PARD3: variants seen among roughly 807,000 people sequenced by gnomAD.
PARD3 encodes par-3 family cell polarity regulator.
PARD3 carries 75 observed loss-of-function variants against 155.4 expected under a neutral mutation model. The observed-to-expected ratio is 0.48, with a 90% CI of 0.40 to 0.58. The LOEUF (loss-of-function observed/expected upper bound fraction) is 0.58, where lower values mean the gene tolerates loss of function less well. PARD3 is among the 20% of genes least tolerant of loss of function. The pLI, the probability that PARD3 is intolerant of heterozygous loss-of-function variation, is 0.00. For missense variants in PARD3, 1,642 were observed against 1,721.7 expected (o/e 0.95, Z 0.82); for synonymous variants, 576 against 610.5 (o/e 0.94, Z 0.83).
chr10:34,296,842 C>T (rs1276993633), intron 20 of PARD3, among the ~76,000 whole-genome samples: 1 of 152,112 alleles, frequency 6.6e-6, no homozygotes, highest in East Asian at 1.9e-4. Context: ...GAGAGTTAGG[C>T]ACCATGGCAT....
chr10:34,734,303 A>G (rs2094870982), intron 1 of PARD3, among the ~76,000 whole-genome samples: 1 of 147,286 alleles, frequency 6.8e-6, no homozygotes, highest in African/African-American at 2.5e-5. Context: ...GATTACACAT[A>G]TAACAAATAT....
At position 34,135,531 on chromosome 10, in the gene PARD3, C is replaced by T. The variant is rs185886785; in HGVS notation, c.3420-3948G>A. Among the ~76,000 whole-genome samples the T allele has an allele frequency of 4.6e-5, 7 of 152,284 alleles. No individual in the cohort carries two copies. In the South Asian group the frequency reaches 6.2e-4, roughly 14 times the overall value. On this transcript the variant is annotated intron_variant, in intron 22 of 24. Coordinates refer to ENST00000374788, the MANE Select transcript of PARD3 (RefSeq NM_001184785.2). ...TCTTTGATGTCAGAGGCAGACCATG[C>T]GGTGTACAAGGCTTCTACATCTTCA...
intron 5 of PARD3, among the ~76,000 whole-genome samples, chr10:34,441,810 G>A (rs866288379): frequency 1.5e-4 from 23 of 152,182 alleles, no homozygotes; most frequent in Middle Eastern, 3.4e-3. Context: ...ATTTTAACAC[G>A]TGTTAGAATA....
rs559612369 is a variant in PARD3 at position 34,708,633 on chromosome 10, A to C, written c.121-12214T>G. Among the ~76,000 whole-genome samples the C allele has an allele frequency of 5.9e-5, 9 of 152,348 alleles. No individual in the cohort carries two copies. The South Asian group carries it at 1.9e-3, about 32-fold the overall frequency. On this transcript the variant is annotated intron_variant, in intron 1 of 24. Coordinates refer to ENST00000374788, the MANE Select transcript of PARD3 (RefSeq NM_001184785.2). Reference sequence around the variant, plus strand: ...CGTAGCAAATGTAAACAACTGGTGAATCTAAAGTATCAGTGGTGCATTTCA... The same window carrying C: ...CGTAGCAAATGTAAACAACTGGTGACTCTAAAGTATCAGTGGTGCATTTCA...
intron 18 of PARD3, among the ~76,000 whole-genome samples, chr10:34,335,298 A>G (rs1836055456): frequency 6.6e-6 from 1 of 152,020 alleles, no homozygotes; most frequent in Non-Finnish European, 1.5e-5. Flanking sequence ...ACATATATAT[A>G]TGTGGGATAC....
intron 2 of PARD3, among the ~76,000 whole-genome samples, chr10:34,624,190 G>A (rs1034374838): frequency 1.3e-5 from 2 of 152,102 alleles, no homozygotes; most frequent in African/African-American, 2.4e-5. Context: ...CGTCTCCCAC[G>A]CTAATATCTG....
chr10:34,472,016 G>A (rs2078381301), intron 3 of PARD3, among the ~76,000 whole-genome samples: 1 of 152,138 alleles, frequency 6.6e-6, no homozygotes, highest in Admixed American at 6.6e-5. Context: ...TTAAACCACT[G>A]TCAATCCAAT....
chr10:34,257,321 T>C (rs1169469172), intron 22 of PARD3, among the ~76,000 whole-genome samples: 1 of 152,136 alleles, frequency 6.6e-6, no homozygotes, highest in Non-Finnish European at 1.5e-5. Context: ...AGGAAGAAAA[T>C]AACACAAACT....
At chr10:34,304,314 A>T (rs1324481006) in intron 20 of PARD3, among the ~76,000 whole-genome samples, 1 of 151,772 alleles carries the variant, frequency 6.6e-6, no homozygotes, top group African/African-American at 2.4e-5. Flanking sequence ...AGGGCAACAA[A>T]GTGAGTCCCC....
chr10:34,798,335 C>T (rs770186872), intron 1 of PARD3, among the ~76,000 whole-genome samples: 1 of 149,728 alleles, frequency 6.7e-6, no homozygotes, highest in Non-Finnish European at 1.5e-5. Context: ...AACCCTGTCC[C>T]GTGAAGAAGG....
At chr10:34,621,941 G>C (rs1052250370) in intron 2 of PARD3, among the ~76,000 whole-genome samples, 1 of 152,172 alleles carries the variant, frequency 6.6e-6, no homozygotes, top group Non-Finnish European at 1.5e-5. Context: ...GTAAGTTGAA[G>C]AAAAAGAGTT....
intron 22 of PARD3, among the ~76,000 whole-genome samples, chr10:34,234,241 C>T (rs1464883922): frequency 6.6e-6 from 1 of 151,946 alleles, no homozygotes; most frequent in Admixed American, 6.5e-5. Context: ...GATATAACTA[C>T]TTTGGCTGAT....
intron 3 of PARD3, among the ~76,000 whole-genome samples, chr10:34,509,812 C>T (rs1038907603): frequency 3.3e-5 from 5 of 151,610 alleles, no homozygotes; most frequent in African/African-American, 1.2e-4. Context: ...AAAAAAAAAG[C>T]ATCACCTGTC....
At chr10:34,697,766 A>AACACGCACAC (rs377094946) in intron 1 of PARD3, among the ~76,000 whole-genome samples, 4 of 146,540 alleles carry the variant, frequency 2.7e-5, no homozygotes, top group South Asian at 2.1e-4. Context: ...TTGTAAAACA[A>AACACGCACAC]ACACTCACAC....
chr10:34,691,793 C>G (rs953276842), intron 2 of PARD3, among the ~76,000 whole-genome samples: 2 of 119,772 alleles, frequency 1.7e-5, no homozygotes, highest in African/African-American at 8.5e-5. Flanking sequence ...TGCCACACAC[C>G]TACAACCATC....
At chr10:34,791,711 G>C (rs1175453919) in intron 1 of PARD3, among the ~76,000 whole-genome samples, 1 of 152,040 alleles carries the variant, frequency 6.6e-6, no homozygotes, top group Non-Finnish European at 1.5e-5. Context: ...GTTTAAATTA[G>C]TCACTGTAGT....
intron 1 of PARD3, among the ~76,000 whole-genome samples, chr10:34,732,890 T>C (rs1195732194): frequency 6.6e-6 from 1 of 152,028 alleles, no homozygotes; most frequent in Non-Finnish European, 1.5e-5. Flanking sequence ...GTGAGGAACA[T>C]ACTGGAAGGC....
At chr10:34,329,957 C>T (rs1341936920) in intron 19 of PARD3, among the ~76,000 whole-genome samples, 1 of 151,992 alleles carries the variant, frequency 6.6e-6, no homozygotes, top group African/African-American at 2.4e-5. Context: ...AAAATGTGAT[C>T]TTTATTACTT....
intron 1 of PARD3, among the ~76,000 whole-genome samples, chr10:34,714,467 C>A (rs574461038): frequency 2.0e-5 from 3 of 152,178 alleles, no homozygotes; most frequent in Non-Finnish European, 4.4e-5. Context: ...CCCCACACTG[C>A]GTGGGGTCCA....
Sources: gnomAD v4.1 joint callset for allele counts (sites outside exome capture counted in the v4.1 genomes callset) on GRCh38, gnomAD v4.1.1 for gene constraint, MANE v1.5 for transcripts, NCBI Gene and HGNC (gene_info 2026-07-23, HGNC 2026-07-21) for gene names.